NOX3: variants seen among roughly 807,000 people sequenced by gnomAD.
NOX3 encodes NADPH oxidase catalytic subunit-like 3.
NOX3 carries 74 observed loss-of-function variants against 76.7 expected under a neutral mutation model. The ratio of observed to expected loss-of-function variants is 0.96; its 90% confidence interval spans 0.80 to 1.17. NOX3 has a LOEUF of 1.17. Among genes scored for constraint, NOX3 ranks in the 50% most tolerant of loss-of-function variants. NOX3 has a pLI of 0.00. For synonymous variants in NOX3, 263 were observed against 261.1 expected (o/e 1.01, Z -0.07); for missense variants, 695 against 703.3 (o/e 0.99, Z 0.13).
chr6:155,429,747 C>A (rs1479778867), intron 8 of NOX3, among the ~76,000 whole-genome samples: 1 of 152,144 alleles, frequency 6.6e-6, no homozygotes, highest in African/African-American at 2.4e-5. Flanking sequence ...TCTCTCCAGG[C>A]CCTCCTGTCT....
chr6:155,426,132 A>T (rs1039312732), intron 9 of NOX3, among the ~76,000 whole-genome samples: 1 of 152,222 alleles, frequency 6.6e-6, no homozygotes, highest in East Asian at 1.9e-4. Flanking sequence ...GAAGATTTAA[A>T]CAAATTCTAG....
chr6:155,401,993 A>G (rs1266919538), intron 12 of NOX3, among the ~76,000 whole-genome samples: 1 of 152,194 alleles, frequency 6.6e-6, no homozygotes, highest in Admixed American at 6.5e-5. Context: ...TGATCCACAA[A>G]TTCAGAAAGC....
chr6:155,414,990 C>T (rs891902756), intron 10 of NOX3, among the ~76,000 whole-genome samples: 2 of 152,046 alleles, frequency 1.3e-5, no homozygotes, highest in South Asian at 2.1e-4. Context: ...ACTGTCATGG[C>T]GTTGAGGGTT....
chr6:155,408,602 C>A (rs112633708), intron 11 of NOX3, among the ~76,000 whole-genome samples: 12 of 152,106 alleles, frequency 7.9e-5, no homozygotes, highest in African/African-American at 2.2e-4. Flanking sequence ...GGTCAGGAGA[C>A]AATGGTAGGT....
At chr6:155,400,835 C>A (rs1413312861) in intron 12 of NOX3, among the ~76,000 whole-genome samples, 1 of 152,156 alleles carries the variant, frequency 6.6e-6, no homozygotes. Context: ...GCTGTTCGGA[C>A]ACTTGTCCCA....
chr6:155,440,604 G>C (rs190198260), intron 5 of NOX3, among the ~76,000 whole-genome samples: 9 of 150,630 alleles, frequency 6.0e-5, no homozygotes, highest in African/African-American at 1.7e-4. Flanking sequence ...TGCTGCCTCT[G>C]CATTCCAGCC....
chr6:155,419,363 T>C lies in NOX3; in HGVS notation c.1308+3331A>G, dbSNP rs575288566. On this transcript the variant is annotated intron_variant, in intron 10 of 13. Coordinates refer to ENST00000159060, the MANE Select transcript of NOX3 (RefSeq NM_015718.3). ...CTTTGAAGCAGAAATCAGAAACACA[T>C]GCTCAGGTCCTGACTCAGTGGTGAA... Among the ~76,000 whole-genome samples, 7 of 152,290 alleles carry C rather than the reference T, an allele frequency of 4.6e-5. No individual in the cohort carries two copies. The South Asian group carries it at 8.3e-4, about 18-fold the overall frequency.
chr6:155,396,115 G>A (rs1223945167), intron 13 of NOX3, among the ~76,000 whole-genome samples: 1 of 152,096 alleles, frequency 6.6e-6, no homozygotes, highest in African/African-American at 2.4e-5. Context: ...GATGATGGAA[G>A]GGCTTGAATA....
chr6:155,435,389 G>A (rs145335018), intron 7 of NOX3, among the ~76,000 whole-genome samples: 2 of 152,088 alleles, frequency 1.3e-5, no homozygotes, highest in African/African-American at 4.8e-5. Flanking sequence ...TTGAGTTTAA[G>A]ACAGAGACAA....
intron 7 of NOX3, among the ~76,000 whole-genome samples, chr6:155,431,752 T>A (rs1776837476): frequency 6.6e-6 from 1 of 152,192 alleles, no homozygotes; most frequent in Non-Finnish European, 1.5e-5. Flanking sequence ...ATGAGGCATA[T>A]GTATTACCTT....
Position 155,430,861 on chromosome 6 carries a change from T to C in NOX3, c.873A>G (p.Gln291=). The C allele has an allele frequency of 3.1e-6, 5 of 1,612,490 alleles. No homozygotes were observed. The highest frequency in any genetic ancestry group is 4.2e-6 in the Non-Finnish European group (5 of 1,178,732). The change falls in exon 8 of 14, where the codon CAA becomes CAG. Residue 291 remains glutamine (Q), a synonymous_variant. Transcript: ENST00000159060. ...ERIIRFWRFQ[Q]EVVITKVVSH... is the part of the protein sequence containing the mutation. ...TGCATACCTTGGTAATGACAACTTC[T>C]TGTTGAAATCGCCAGAACCTAATTA...
chr6:155,417,294 T>A (rs928287958), intron 10 of NOX3, among the ~76,000 whole-genome samples: 8 of 152,206 alleles, frequency 5.3e-5, no homozygotes, highest in Admixed American at 1.3e-4. Context: ...AGGAATGGAA[T>A]GAGACATATT....
chr6:155,414,830 G>A (rs1239899093), intron 10 of NOX3, among the ~76,000 whole-genome samples: 2 of 151,998 alleles, frequency 1.3e-5, no homozygotes, highest in Non-Finnish European at 2.9e-5. Flanking sequence ...ATTTCACCAT[G>A]TTGGCCATGC....
intron 10 of NOX3, among the ~76,000 whole-genome samples, chr6:155,416,283 T>A (rs982884417): frequency 1.4e-4 from 22 of 152,200 alleles, no homozygotes; most frequent in African/African-American, 5.3e-4. Context: ...TAGAGGGGAA[T>A]CAGGATCATT....
Position 155,455,803 on chromosome 6 carries a change from T to C in NOX3, c.-3A>G. On this transcript the variant is annotated 5_prime_UTR_variant, in exon 1 of 14. Transcript: ENST00000159060. ...TTCAAAATCCAGCACCCCATCATGA[T>C]ACTTGTTGCTCTTCGGCTGTCAGGA... 1.2e-6 allele frequency: 2 copies of C among 1,613,788 alleles called. No individual in the cohort carries two copies. The highest frequency in any genetic ancestry group is 1.7e-6 in the Non-Finnish European group (2 of 1,179,684).
At chr6:155,435,554 A>C (rs1161626539) in intron 7 of NOX3, among the ~76,000 whole-genome samples, 1 of 152,054 alleles carries the variant, frequency 6.6e-6, no homozygotes, top group African/African-American at 2.4e-5. Flanking sequence ...AATCACTTAT[A>C]TTCTTCATAT....
At chr6:155,450,962 T>A (rs1777131604) in intron 4 of NOX3, among the ~76,000 whole-genome samples, 1 of 152,132 alleles carries the variant, frequency 6.6e-6, no homozygotes, top group South Asian at 2.1e-4. Flanking sequence ...CTGACAATAA[T>A]CTGCACATCT....
intron 11 of NOX3, among the ~76,000 whole-genome samples, chr6:155,408,145 A>AT (rs1010797417): frequency 2.6e-5 from 4 of 151,412 alleles, no homozygotes; most frequent in African/African-American, 7.3e-5. Context: ...TGCTTGGCTA[A>AT]TTTTTTTTGT....
At chr6:155,428,083 TAGAGATGGGGTTTTGC>T (rs1776780602) in intron 9 of NOX3, among the ~76,000 whole-genome samples, 2 of 41,982 alleles carry the variant, frequency 4.8e-5, no homozygotes, top group South Asian at 7.0e-4. Flanking sequence ...GTATTTTTAG[TAGAGATGGGGTTTTGC>T]CATGTTGGCC....
Sources: allele counts gnomAD v4.1 joint callset (sites outside exome capture counted in the v4.1 genomes callset), GRCh38; gene constraint gnomAD v4.1.1; transcripts MANE v1.5; gene names NCBI Gene and HGNC (gene_info 2026-07-23, HGNC 2026-07-21).